The following OR6J1 variants were observed in gnomAD, a reference collection of about 807,000 sequenced individuals.
The protein encoded by OR6J1 is olfactory receptor family 6 subfamily J member 1.
For missense variants in OR6J1, 304 were observed against 166.8 expected, an observed-to-expected ratio of 1.82 and a Z score of -4.53; for synonymous variants, 109 against 70.0, an observed-to-expected ratio of 1.56 and a Z score of -2.78.
At chr14:22,641,753 G>A (rs1014124838) in intron 1 of OR6J1, among the ~76,000 whole-genome samples, 13 of 152,302 alleles carry the variant, frequency 8.5e-5, no homozygotes, top group African/African-American at 2.9e-4. Flanking sequence ...TAAAAGAGAT[G>A]TGAAGAAACC....
At position 22,631,544 on chromosome 14, in the gene OR6J1, C is replaced by G. The variant is rs1019448817; in HGVS notation, c.*2224G>C. 6.6e-6 allele frequency: 1 copy of G among 152,316 alleles called. No individual in the cohort carries two copies. Among genetic ancestry groups the G allele is most frequent in the South Asian group, 2.1e-4 (1 of 4,820 alleles). The allele number at this position is 152,316 out of a possible 1,614,324, so 9.4% of individuals were successfully genotyped here. On this transcript the variant is annotated 3_prime_UTR_variant, in exon 2 of 2. Coordinates refer to ENST00000540461, the MANE Select transcript of OR6J1 (RefSeq NM_001348233.2). ...TTATTCCCTGAACAATTGCTGTTAT[C>G]CTGTTCTTTTTCCAAGGTGCCCAGA...
chr14:22,634,527 T>G lies in OR6J1; in HGVS notation c.285A>C (p.Gly95=), dbSNP rs200169156. 74 of 703,838 alleles carry G rather than the reference T, an allele frequency of 1.1e-4. No homozygotes were observed. The highest frequency in any genetic ancestry group is 1.7e-4 in the Non-Finnish European group (65 of 385,042). The allele number at this position is 703,838 out of a possible 1,614,324, so 43.6% of individuals were successfully genotyped here. ...AGTAGAAATAGCACTGGGTGATACA[T>G]CCGGCAAAGGAGATGGTTTTATCCC... ...GSRDKTISFA[G]CITQCYFYFF... The change falls in exon 2 of 2, where the codon GGA becomes GGC. Residue 95 remains glycine, a synonymous_variant. Coordinates refer to ENST00000540461, the MANE Select transcript of OR6J1 (RefSeq NM_001348233.2).
At chr14:22,643,746 CACACACACACACACACACAGAGAGAGAG>C (rs1297579941) in intron 1 of OR6J1, among the ~76,000 whole-genome samples, 5 of 106,628 alleles carry the variant, frequency 4.7e-5, no homozygotes, top group African/African-American at 1.9e-4. Context: ...CACACACACA[CACACACACACACACACACAGAGAGAGAG>C]AGAGAGAGAG....
In OR6J1 at chr14:22,634,635, G is replaced by T; in HGVS notation, c.177C>A (p.Tyr59Ter). ...LSCSRLHTPM[Y>*]FFLCNLSILD... ...GGATAGAGAGGTTGCACAAGAAGAAGTACATGGGGGTGTGGAGGCGGGAGC... is the reference window on the plus strand; with the variant it reads ...GGATAGAGAGGTTGCACAAGAAGAATTACATGGGGGTGTGGAGGCGGGAGC... The change falls in exon 2 of 2, where the codon TAC becomes TAA. Residue 59 changes from tyrosine (Y) to a stop codon, truncating the protein, a stop_gained. Transcript: ENST00000540461. LOFTEE classifies it low-confidence loss of function (END_TRUNC). 1.3e-6 allele frequency: 1 copy of T among 743,352 alleles called. No homozygotes were observed. Among genetic ancestry groups the T allele is most frequent in the Non-Finnish European group, 2.5e-6 (1 of 402,724 alleles). 46.0% of individuals were successfully genotyped at this position (743,352 alleles called of 1,614,324 possible).
chr14:22,642,728 A>T, intron 1 of OR6J1, among the ~76,000 whole-genome samples: 1 of 152,164 alleles, frequency 6.6e-6, no homozygotes, highest in East Asian at 1.9e-4. Flanking sequence ...TGGACATTTC[A>T]TATAAATGAA....
chr14:22,636,087 C>G (rs1314247826), intron 1 of OR6J1, among the ~76,000 whole-genome samples: 1 of 151,740 alleles, frequency 6.6e-6, no homozygotes, highest in Non-Finnish European at 1.5e-5. Flanking sequence ...TCATACAAAG[C>G]AGTAAGAAAT....
Position 22,633,516 on chromosome 14 carries a change from T to C in OR6J1, c.*252A>G, listed in dbSNP as rs1046673018. 1 of 441,520 alleles carries C rather than the reference T, an allele frequency of 2.3e-6. No individual in the cohort carries two copies. The highest frequency in any genetic ancestry group is 4.0e-6 in the Non-Finnish European group (1 of 250,688). 27.4% of individuals were successfully genotyped at this position (441,520 alleles called of 1,614,324 possible). ...AACATGTTAGGACTTTAGGAGGAAA[T>C]AGGCTGCATGGCCCTTCCATTCTTA... On this transcript the variant is annotated 3_prime_UTR_variant, in exon 2 of 2. Transcript: ENST00000540461.
intron 1 of OR6J1, among the ~76,000 whole-genome samples, chr14:22,640,758 C>T (rs563847836): frequency 4.6e-5 from 7 of 151,550 alleles, no homozygotes; most frequent in African/African-American, 9.6e-5. Context: ...TGGGCTCAAG[C>T]GATTCTCCTG....
At chr14:22,635,679 C>T (rs76522344) in intron 1 of OR6J1, among the ~76,000 whole-genome samples, 2,367 of 152,310 alleles carry the variant, frequency 0.016, 56 homozygotes, top group African/African-American at 0.054. Context: ...CACAGACCCA[C>T]ACAGATGTGG....
At chr14:22,638,485 A>G (rs1389004947) in intron 1 of OR6J1, among the ~76,000 whole-genome samples, 3 of 88,902 alleles carry the variant, frequency 3.4e-5, no homozygotes, top group Middle Eastern at 4.1e-3. Flanking sequence ...ACCACTCCCT[A>G]ATCTTAAGTA....
At chr14:22,642,484 C>T (rs1249934535) in intron 1 of OR6J1, among the ~76,000 whole-genome samples, 5 of 151,332 alleles carry the variant, frequency 3.3e-5, no homozygotes, top group Middle Eastern at 3.4e-3. Context: ...GGATTACAGG[C>T]GTGTGCCACC....
intron 1 of OR6J1, among the ~76,000 whole-genome samples, chr14:22,637,931 G>C (rs1158609483): frequency 1.3e-5 from 1 of 79,044 alleles, no homozygotes; most frequent in African/African-American, 9.4e-5. Flanking sequence ...CCGGCCGGCC[G>C]CCCCGTCCGG....
Position 22,632,086 on chromosome 14 carries a change from G to A in OR6J1, c.*1682C>T, listed in dbSNP as rs954934343. The A allele has an allele frequency of 6.6e-6, 1 of 151,790 alleles. No homozygotes were observed. The highest frequency in any genetic ancestry group is 1.5e-5 in the Non-Finnish European group (1 of 67,708). The allele number at this position is 151,790 out of a possible 1,614,324, so 9.4% of individuals were successfully genotyped here. ...TCTGACCAGTTCCACGCAGAGCATA[G>A]GGGTTAATTTAGCAAAGTGGATGCT... On this transcript the variant is annotated 3_prime_UTR_variant, in exon 2 of 2. Transcript: ENST00000540461.
In OR6J1 at chr14:22,634,298, T is replaced by C. The variant is rs946834843; in HGVS notation, c.514A>G (p.Ile172Val). ...ISQLPFCGSN[I>V]INHFFCDSGP... ...CTGTCACAGAAGAAGTGGTTAATGA[T>C]ATTGGAGCCACAGAAGGGCAGCTGG... The change falls in exon 2 of 2, where the codon ATC becomes GTC. Residue 172 changes from isoleucine (I) to valine (V), a missense_variant. By Grantham distance (29) the Ile-to-Val change is conservative. Coordinates refer to ENST00000540461, the MANE Select transcript of OR6J1 (RefSeq NM_001348233.2). 4.3e-6 allele frequency: 3 copies of C among 702,954 alleles called. No homozygotes were observed. Among genetic ancestry groups the C allele is most frequent in the Non-Finnish European group, 7.8e-6 (3 of 384,952 alleles). 43.5% of individuals were successfully genotyped at this position (702,954 alleles called of 1,614,324 possible).
chr14:22,635,068 T>C (rs966427244), intron 1 of OR6J1, among the ~76,000 whole-genome samples: 11 of 152,356 alleles, frequency 7.2e-5, no homozygotes, highest in African/African-American at 2.6e-4. Context: ...ATATAGGTCA[T>C]ATGAACTTTC....
chr14:22,638,670 A>ATT lies in OR6J1; in HGVS notation c.-27-3833_-27-3832insAA, dbSNP rs1754640506. 5.6e-5 allele frequency among the ~76,000 whole-genome samples: 3 copies of ATT among 53,480 alleles called. 1 individual carries two copies. Among genetic ancestry groups the ATT allele is most frequent in the Admixed American group, 2.9e-4 (2 of 6,958 alleles). 35.1% of individuals were successfully genotyped at this position (53,480 alleles called of 152,430 possible). A position where few individuals can be genotyped will look rare whatever the true frequency, so the allele number is the denominator to read the frequency against. ...TCAATAAAAAAAATAAAAATAAAAA[A>ATT]AAAATAAAAAAAATTAAGACACTAG... On this transcript the variant is annotated intron_variant, in intron 1 of 1. Transcript: ENST00000540461.
intron 1 of OR6J1, among the ~76,000 whole-genome samples, chr14:22,636,163 AAATGTACAAAAAGATGCT>A (rs1232573939): frequency 6.6e-6 from 1 of 151,706 alleles, no homozygotes; most frequent in Non-Finnish European, 1.5e-5. Flanking sequence ...GAGGAAAAAT[AAATGTACAAAAAGATGCT>A]TGATCTCATT....
chr14:22,634,071 G>A lies in OR6J1; in HGVS notation c.741C>T (p.Val247=), dbSNP rs1221264332. ...FNTCASHLTI[V]IISSGITVFI... ...ACACAGTGATGCCACTAGAAATGAT[G>A]ACTATGGTCAGGTGGGAAGCACAGG... is the stretch of plus-strand genomic sequence containing the variant. Residue 247 remains valine, a synonymous_variant, in exon 2 of 2, where the codon GTC becomes GTT. Coordinates refer to ENST00000540461, the MANE Select transcript of OR6J1 (RefSeq NM_001348233.2). 21 of 702,898 alleles carry A rather than the reference G, an allele frequency of 3.0e-5. No individual in the cohort carries two copies. Among genetic ancestry groups the A allele is most frequent in the Non-Finnish European group, 4.9e-5 (19 of 384,900 alleles). 43.5% of individuals were successfully genotyped at this position (702,898 alleles called of 1,614,324 possible).
At chr14:22,640,114 T>A (rs2037631829) in intron 1 of OR6J1, among the ~76,000 whole-genome samples, 2 of 150,438 alleles carry the variant, frequency 1.3e-5, no homozygotes, top group South Asian at 4.2e-4. Flanking sequence ...CCAATAATTC[T>A]ACTCCTAGGT....
Sources: gnomAD v4.1 joint callset for allele counts (sites outside exome capture counted in the v4.1 genomes callset) on GRCh38, gnomAD v4.1.1 for gene constraint, MANE v1.5 for transcripts, NCBI Gene and HGNC (gene_info 2026-07-23, HGNC 2026-07-21) for gene names.